Variants in PRR16 observed in about 807,000 individuals in gnomAD.
The protein encoded by PRR16 is proline rich 16.
Under a neutral mutation model 18.2 loss-of-function variants are expected in PRR16, and 6 were observed. The observed-to-expected ratio is 0.33, with a 90% CI of 0.18 to 0.65. The LOEUF (loss-of-function observed/expected upper bound fraction) is 0.65. Among genes scored for constraint, PRR16 ranks in the 30% least tolerant of loss-of-function variants. The pLI is 0.74. For missense variants in PRR16, 412 were observed against 376.6 expected, an observed-to-expected ratio of 1.09 and a Z score of -0.78; for synonymous variants, 151 against 147.8, an observed-to-expected ratio of 1.02 and a Z score of -0.16.
At chr5:120,511,903 C>T (rs1750837987) in intron 1 of PRR16, among the ~76,000 whole-genome samples, 1 of 152,186 alleles carries the variant, frequency 6.6e-6, no homozygotes, top group Admixed American at 6.5e-5. Context: ...CTTGCTCCTT[C>T]TAGGGGTCTT....
At chr5:120,729,959 A>G in the PRR16 span, among the ~76,000 whole-genome samples, 1 of 152,112 alleles carries the variant, frequency 6.6e-6, no homozygotes, top group African/African-American at 2.4e-5. Flanking sequence ...ACAGTACCTC[A>G]AAAATGCCAA....
intron 1 of PRR16, among the ~76,000 whole-genome samples, chr5:120,620,608 A>G (rs949484652): frequency 1.3e-5 from 2 of 152,150 alleles, no homozygotes; most frequent in Admixed American, 6.6e-5. Context: ...TCAAGGTTCT[A>G]TGTATGGAAC....
the PRR16 span, among the ~76,000 whole-genome samples, chr5:120,765,793 T>C: frequency 1.3e-5 from 2 of 151,996 alleles, no homozygotes; most frequent in Admixed American, 1.3e-4. Flanking sequence ...ACACTCAAGA[T>C]AATTTCTTTC....
chr5:120,553,640 TTA>T (rs1752325285), intron 1 of PRR16, among the ~76,000 whole-genome samples: 1 of 151,868 alleles, frequency 6.6e-6, no homozygotes, highest in Non-Finnish European at 1.5e-5. Flanking sequence ...TAATCTCTTA[TTA>T]TGTTTCAAAG....
intron 1 of PRR16, among the ~76,000 whole-genome samples, chr5:120,497,151 G>A (rs761309119): frequency 2.6e-5 from 4 of 152,022 alleles, no homozygotes; most frequent in South Asian, 2.1e-4. Context: ...TATGTTTCAC[G>A]GACACTTAAG....
chr5:120,729,198 G>A, the PRR16 span, among the ~76,000 whole-genome samples: 1 of 152,056 alleles, frequency 6.6e-6, no homozygotes, highest in Non-Finnish European at 1.5e-5. Flanking sequence ...ACTTAAGGAA[G>A]GACTCAATAT....
At chr5:120,567,227 GC>G (rs1401616300) in intron 1 of PRR16, among the ~76,000 whole-genome samples, 3 of 152,084 alleles carry the variant, frequency 2.0e-5, no homozygotes, top group African/African-American at 7.2e-5. Context: ...GAAAATGCAT[GC>G]CCAGTCTATG....
At chr5:120,580,838 A>T (rs1753248488) in intron 1 of PRR16, among the ~76,000 whole-genome samples, 1 of 152,168 alleles carries the variant, frequency 6.6e-6, no homozygotes, top group South Asian at 2.1e-4. Context: ...ATTGATTTGC[A>T]TATGTTGAAC....
chr5:120,574,495 T>G (rs2112741795), intron 1 of PRR16, among the ~76,000 whole-genome samples: 1 of 152,122 alleles, frequency 6.6e-6, no homozygotes, highest in South Asian at 2.1e-4. Context: ...TCCCAGCTAC[T>G]TGGGAGCCTG....
chr5:120,596,250 T>C (rs1753811385), intron 1 of PRR16, among the ~76,000 whole-genome samples: 1 of 151,754 alleles, frequency 6.6e-6, no homozygotes, highest in Non-Finnish European at 1.5e-5. Flanking sequence ...GGAAAGTCTT[T>C]TTCTTTTCCT....
At chr5:120,703,965 G>A in the PRR16 span, among the ~76,000 whole-genome samples, 2 of 152,060 alleles carry the variant, frequency 1.3e-5, no homozygotes, top group East Asian at 3.9e-4. Flanking sequence ...AGGTATTTTG[G>A]GAGCTTTTCT....
chr5:120,564,789 A>G lies in PRR16; in HGVS notation c.159+100144A>G, dbSNP rs542928513. Among the ~76,000 whole-genome samples the G allele has an allele frequency of 3.3e-5, 5 of 152,158 alleles. No individual in the cohort carries two copies. In the East Asian group the frequency reaches 9.7e-4, roughly 29 times the overall value. ...ATCACGAGGTCAGGAGATCAAGACCATCCTGGCTAAAATGGTGAAACCCCA... is the reference window on the plus strand; with the variant it reads ...ATCACGAGGTCAGGAGATCAAGACCGTCCTGGCTAAAATGGTGAAACCCCA... On this transcript the variant is annotated intron_variant, in intron 1 of 1. Coordinates refer to ENST00000407149, the MANE Select transcript of PRR16 (RefSeq NM_001300783.2).
intron 1 of PRR16, among the ~76,000 whole-genome samples, chr5:120,560,631 G>C (rs1371770068): frequency 6.6e-6 from 1 of 152,034 alleles, no homozygotes. Flanking sequence ...TTTGGTATCA[G>C]GGTGATACCG....
the PRR16 span, among the ~76,000 whole-genome samples, chr5:120,716,400 C>T: frequency 1.3e-5 from 2 of 152,188 alleles, no homozygotes; most frequent in African/African-American, 2.4e-5. Context: ...CATAAACCAG[C>T]ATCAGATATT....
intron 1 of PRR16, among the ~76,000 whole-genome samples, chr5:120,498,291 T>C (rs1750327488): frequency 6.7e-6 from 1 of 149,286 alleles, no homozygotes; most frequent in Non-Finnish European, 1.5e-5. Context: ...TGTGTGTGTA[T>C]ATATATAAAA....
chr5:120,521,093 G>C (rs951204049), intron 1 of PRR16, among the ~76,000 whole-genome samples: 1 of 152,042 alleles, frequency 6.6e-6, no homozygotes, highest in African/African-American at 2.4e-5. Flanking sequence ...AATTGGTACG[G>C]CCCTTTAGAA....
chr5:120,645,001 T>G (rs1755541204), intron 1 of PRR16, among the ~76,000 whole-genome samples: 1 of 152,138 alleles, frequency 6.6e-6, no homozygotes, highest in Admixed American at 6.6e-5. Flanking sequence ...GCCTCTCTTC[T>G]GACTAGATGC....
intron 1 of PRR16, among the ~76,000 whole-genome samples, chr5:120,492,974 G>T (rs1750115755): frequency 6.6e-6 from 1 of 152,178 alleles, no homozygotes; most frequent in Admixed American, 6.5e-5. Context: ...TGGACACTTA[G>T]TTTGGTTCCA....
At chr5:120,624,741 G>A (rs978843958) in intron 1 of PRR16, among the ~76,000 whole-genome samples, 1 of 152,080 alleles carries the variant, frequency 6.6e-6, no homozygotes, top group Non-Finnish European at 1.5e-5. Flanking sequence ...AGGTAGAAAG[G>A]CTACTGATAT....
Sources: gnomAD v4.1 joint callset for allele counts (sites outside exome capture counted in the v4.1 genomes callset) on GRCh38, gnomAD v4.1.1 for gene constraint, MANE v1.5 for transcripts, NCBI Gene and HGNC (gene_info 2026-07-23, HGNC 2026-07-21) for gene names.